Variants in EYA1 observed in about 807,000 individuals in gnomAD.
EYA1 encodes protein phosphatase EYA1.
Under a neutral mutation model 82.0 loss-of-function variants are expected in EYA1, and 16 were observed. That is an observed-to-expected ratio of 0.20 (90% CI 0.13 to 0.30). The LOEUF is 0.30. EYA1 is among the 10% of genes least tolerant of loss of function. The pLI is 1.00. For missense variants in EYA1, 633 were observed against 730.7 expected, an observed-to-expected ratio of 0.87 and a Z score of 1.54; for synonymous variants, 261 against 264.4, an observed-to-expected ratio of 0.99 and a Z score of 0.12.
At chr8:71,277,823 T>C (rs892902033) in intron 9 of EYA1, among the ~76,000 whole-genome samples, 3 of 152,188 alleles carry the variant, frequency 2.0e-5, no homozygotes, top group African/African-American at 7.2e-5. Context: ...CTATAAAGGT[T>C]AATTATTTCT....
intron 2 of EYA1, among the ~76,000 whole-genome samples, chr8:71,459,482 G>A (rs1808207315): frequency 6.6e-6 from 1 of 152,128 alleles, no homozygotes. Flanking sequence ...ACCTCTGAAT[G>A]ATCCATGAAA....
chr8:71,230,425 T>C (rs555411124), intron 12 of EYA1, among the ~76,000 whole-genome samples: 1 of 152,302 alleles, frequency 6.6e-6, no homozygotes, highest in South Asian at 2.1e-4. Context: ...GAAGTGGTAT[T>C]TCCATTCAAC....
In EYA1 at chr8:71,244,676, A is replaced by G; in HGVS notation, c.1067T>C (p.Val356Ala). The G allele has an allele frequency of 1.2e-6, 2 of 1,604,832 alleles. No individual in the cohort carries two copies. The highest frequency in any genetic ancestry group is 1.1e-5 in the South Asian group (1 of 90,776). ...NRYGRDPPTS[V>A]SLGLRMEEMI... ...TTCTTCCATTCGCAGTCCAAGGGAA[A>G]CTGAAGTGGGTGGATCCTAAAATAA... Residue 356 changes from valine to alanine, a missense_variant, in exon 12 of 18, where the codon GTT becomes GCT. Physicochemically the swap from Val to Ala is moderately conservative, Grantham distance 64. Transcript: ENST00000340726.
chr8:71,531,769 A>G (rs190432648), intron 2 of EYA1, among the ~76,000 whole-genome samples: 194 of 152,276 alleles, frequency 1.3e-3, no homozygotes, highest in Non-Finnish European at 2.5e-3. Context: ...AGGCAAACAG[A>G]GGAGTGGCCA....
intron 12 of EYA1, among the ~76,000 whole-genome samples, chr8:71,236,143 C>A (rs924227741): frequency 2.6e-5 from 4 of 152,130 alleles, no homozygotes; most frequent in African/African-American, 7.2e-5. Flanking sequence ...GGGTTTGATT[C>A]TCCTGCCTCA....
chr8:71,408,825 G>C (rs563684091), intron 2 of EYA1, among the ~76,000 whole-genome samples: 1 of 121,862 alleles, frequency 8.2e-6, no homozygotes, highest in African/African-American at 3.5e-5. Flanking sequence ...GAGCCAGAAA[G>C]TCAACAAGGA....
chr8:71,228,497 T>TA (rs1810821384), intron 12 of EYA1, among the ~76,000 whole-genome samples: 1 of 152,172 alleles, frequency 6.6e-6, no homozygotes, highest in Non-Finnish European at 1.5e-5. Context: ...TTTCACTCCC[T>TA]ATAAAAACAT....
intron 2 of EYA1, among the ~76,000 whole-genome samples, chr8:71,475,649 G>C (rs1277973527): frequency 6.6e-6 from 1 of 152,058 alleles, no homozygotes; most frequent in Non-Finnish European, 1.5e-5. Context: ...ATAGACCAAG[G>C]AAAAAATTTT....
At chr8:71,318,226 C>G (rs141576909) in intron 6 of EYA1, among the ~76,000 whole-genome samples, 45 of 152,226 alleles carry the variant, frequency 3.0e-4, no homozygotes, top group Non-Finnish European at 5.1e-4. Flanking sequence ...CAATACTGGG[C>G]ACAGAACTAA....
At chr8:71,211,473 A>G (rs933818523) in intron 16 of EYA1, among the ~76,000 whole-genome samples, 1 of 152,234 alleles carries the variant, frequency 6.6e-6, no homozygotes, top group Admixed American at 6.5e-5. Context: ...TGTCCTTTGG[A>G]AATTGATAGT....
At chr8:71,341,309 T>C (rs899510091) in intron 3 of EYA1, among the ~76,000 whole-genome samples, 4 of 152,166 alleles carry the variant, frequency 2.6e-5, no homozygotes, top group African/African-American at 7.2e-5. Context: ...AGCACAACCA[T>C]GTAACGTTAT....
intron 17 of EYA1, 142 bp downstream of exon 17, chr8:71,211,014 A>G: frequency 1.4e-6 from 1 of 699,174 alleles, no homozygotes. Context: ...ATTGAATTCT[A>G]CTTTACCCTG....
intron 2 of EYA1, among the ~76,000 whole-genome samples, chr8:71,432,550 G>T (rs1329213257): frequency 5.3e-5 from 8 of 152,156 alleles, no homozygotes; most frequent in Admixed American, 4.6e-4. Flanking sequence ...CTTACAGATG[G>T]TCGCCTTCCC....
chr8:71,202,977 C>T (rs1007931876), intron 17 of EYA1, among the ~76,000 whole-genome samples: 1 of 152,164 alleles, frequency 6.6e-6, no homozygotes, highest in African/African-American at 2.4e-5. Flanking sequence ...ATAAAAGCTT[C>T]TCAGGACAAC....
At chr8:71,497,532 C>T (rs1811503446) in intron 2 of EYA1, among the ~76,000 whole-genome samples, 1 of 152,122 alleles carries the variant, frequency 6.6e-6, no homozygotes, top group Non-Finnish European at 1.5e-5. Flanking sequence ...TCTCACCTCA[C>T]ACCTGTTAGA....
intron 12 of EYA1, among the ~76,000 whole-genome samples, chr8:71,235,556 A>G (rs1156280135): frequency 2.0e-5 from 3 of 152,058 alleles, no homozygotes; most frequent in African/African-American, 7.2e-5. Context: ...CCCTTAGCCA[A>G]TACTGCTTGA....
chr8:71,260,103 T>G (rs1004807842), intron 11 of EYA1, among the ~76,000 whole-genome samples: 2 of 152,214 alleles, frequency 1.3e-5, no homozygotes, highest in African/African-American at 2.4e-5. Flanking sequence ...TTAATGTAGC[T>G]CTAGTTTTTA....
Position 71,215,728 on chromosome 8 carries a change from C to G in EYA1, c.1361G>C (p.Gly454Ala). The change falls in exon 15 of 18, where the codon GGT becomes GCT. Residue 454 changes from glycine (G) to alanine (A), a missense_variant and splice_region_variant. Transcript: ENST00000340726. ...IYNTYKNNVG[G>A]LLGPAKREAW... is the part of the protein sequence containing the mutation. ...TTCCCTCTTAGCTGGACCAAGCAGACCTGAGGATTTAAAAGCACATGATGA... is the reference window on the plus strand; with the variant it reads ...TTCCCTCTTAGCTGGACCAAGCAGAGCTGAGGATTTAAAAGCACATGATGA... 3.7e-6 allele frequency: 6 copies of G among 1,609,776 alleles called. No individual in the cohort carries two copies. Among genetic ancestry groups the G allele is most frequent in the Non-Finnish European group, 5.1e-6 (6 of 1,176,092 alleles).
intron 12 of EYA1, among the ~76,000 whole-genome samples, chr8:71,240,704 A>T (rs992458356): frequency 6.6e-6 from 1 of 152,212 alleles, no homozygotes; most frequent in African/African-American, 2.4e-5. Context: ...AGAAAATTCA[A>T]CATGAACTTA....
Sources: gnomAD v4.1 joint callset for allele counts (sites outside exome capture counted in the v4.1 genomes callset) on GRCh38, gnomAD v4.1.1 for gene constraint, MANE v1.5 for transcripts, NCBI Gene and HGNC (gene_info 2026-07-23, HGNC 2026-07-21) for gene names.